PLCH1: variants seen among roughly 807,000 people sequenced by gnomAD.
PLCH1 encodes the protein 1-phosphatidylinositol 4,5-bisphosphate phosphodiesterase eta-1.
PLCH1 carries 60 observed loss-of-function variants against 126.7 expected under a neutral mutation model. The observed-to-expected ratio is 0.47, with a 90% CI of 0.38 to 0.59. The LOEUF (loss-of-function observed/expected upper bound fraction) is 0.59, where lower values mean the gene tolerates loss of function less well. Among genes scored for constraint, PLCH1 ranks in the 20% least tolerant of loss-of-function variants. The probability of loss-of-function intolerance (pLI) is 0.00; values close to 1 mark genes in which losing one functional copy is unlikely to be tolerated. For missense variants in PLCH1, 1,723 were observed against 2,040.0 expected, an observed-to-expected ratio of 0.84 and a Z score of 2.99; for synonymous variants, 719 against 734.9, an observed-to-expected ratio of 0.98 and a Z score of 0.35.
At chr3:155,744,164 G>A (rs1749815834) in intron 1 of PLCH1, among the ~76,000 whole-genome samples, 1 of 152,172 alleles carries the variant, frequency 6.6e-6, no homozygotes, top group South Asian at 2.1e-4. Flanking sequence ...GGGTTTAGGG[G>A]CTCGCGGGGT....
chr3:155,624,682 C>A lies in PLCH1; in HGVS notation c.80-28304G>T, dbSNP rs1737001068. 2.6e-5 allele frequency among the ~76,000 whole-genome samples: 4 copies of A among 152,244 alleles called. No individual in the cohort carries two copies. The South Asian group carries it at 6.2e-4, about 24-fold the overall frequency. ...ATAAAATACCTAGAAATACAACTTA[C>A]AAGGGATGTGAAGGACCTCTTCAAG... On this transcript the variant is annotated intron_variant, in intron 2 of 22. Transcript: ENST00000460012.
rs936790105 is a variant in PLCH1, at chr3:155,453,006, G to A, written c.2938+32350C>T. 3.3e-5 allele frequency among the ~76,000 whole-genome samples: 5 copies of A among 152,148 alleles called. No individual in the cohort carries two copies. The South Asian group carries it at 6.2e-4, about 19-fold the overall frequency. The stretch of plus-strand genomic sequence containing the variant: ...AGTTGGATCCTGTAAGTTAAAGTGG[G>A]TACATGTGGGAAGACTCTGATAATG... On this transcript the variant is annotated intron_variant, in intron 21 of 21. Transcript: ENST00000494598.
chr3:155,616,620 T>C (rs1415167355), intron 2 of PLCH1, among the ~76,000 whole-genome samples: 1 of 152,152 alleles, frequency 6.6e-6, no homozygotes, highest in African/African-American at 2.4e-5. Flanking sequence ...ACTATATTAC[T>C]GCAAAGAAAA....
rs1727390726 is a variant in PLCH1, at chr3:155,560,264, G to A, written c.1069+4651C>T. On this transcript the variant is annotated intron_variant, in intron 8 of 22. Transcript: ENST00000460012. ...GCAACCATCAGTGTGAATCCAATGAGGCTGTGTGCTCAGGGCATCTCTATG... is the reference window on the plus strand; with the variant it reads ...GCAACCATCAGTGTGAATCCAATGAAGCTGTGTGCTCAGGGCATCTCTATG... Among the ~76,000 whole-genome samples, 3 of 152,306 alleles carry A rather than the reference G, an allele frequency of 2.0e-5. No homozygotes were observed. In the South Asian group the frequency reaches 6.2e-4, roughly 32 times the overall value.
Position 155,500,598 on chromosome 3 carries a change from T to C in PLCH1, c.1796+105A>G, listed in dbSNP as rs565298024. On this transcript the variant is annotated intron_variant, in intron 14 of 22. Transcript: ENST00000460012. ...ACATGTTCGACAGCACAGAATACTTTCCTTGTGATCCAATTCTCTAGACAT... is the reference window on the plus strand; with the variant it reads ...ACATGTTCGACAGCACAGAATACTTCCCTTGTGATCCAATTCTCTAGACAT... 1,844 of 721,638 alleles carry C rather than the reference T, an allele frequency of 2.6e-3. 41 individuals carry two copies. The South Asian group carries it at 0.028, about 11-fold the overall frequency. 44.7% of individuals were successfully genotyped at this position (721,638 alleles called of 1,614,324 possible).
At chr3:155,582,392 A>G (rs1377926593) in intron 6 of PLCH1, among the ~76,000 whole-genome samples, 1 of 152,118 alleles carries the variant, frequency 6.6e-6, no homozygotes, top group African/African-American at 2.4e-5. Context: ...CAATAGTTGC[A>G]CAACTCTGTT....
intron 10 of PLCH1, among the ~76,000 whole-genome samples, chr3:155,527,870 A>T (rs149895905): frequency 0.032 from 4,776 of 149,444 alleles, 287 homozygotes; most frequent in African/African-American, 0.11. Context: ...CAGTGAGCCA[A>T]GATCGTCCCA....
chr3:155,667,793 G>A (rs1485977558), intron 2 of PLCH1, among the ~76,000 whole-genome samples: 2 of 150,528 alleles, frequency 1.3e-5, no homozygotes, highest in African/African-American at 2.5e-5. Flanking sequence ...GGCCAAGCGC[G>A]ATGGCACATG....
intron 6 of PLCH1, among the ~76,000 whole-genome samples, chr3:155,570,063 T>C (rs1407637871): frequency 6.6e-6 from 1 of 152,100 alleles, no homozygotes; most frequent in Admixed American, 6.6e-5. Context: ...GAAAAAATAA[T>C]CTACTTTCTA....
rs549479082 is a variant in PLCH1, at chr3:155,650,836, G to A, written c.79+53310C>T. ...GTGGATTACCTGAGGTCAGGAGTTC[G>A]AGACTAGCCTGGCCAACATGGCAAA... is the stretch of plus-strand genomic sequence containing the variant. On this transcript the variant is annotated intron_variant, in intron 2 of 22. Coordinates refer to ENST00000460012, the MANE Select transcript of PLCH1 (RefSeq NM_014996.4). Among the ~76,000 whole-genome samples, 36 of 152,216 alleles carry A rather than the reference G, an allele frequency of 2.4e-4. No homozygotes were observed. In the South Asian group the frequency reaches 6.4e-3, roughly 27 times the overall value.
intron 6 of PLCH1, among the ~76,000 whole-genome samples, chr3:155,577,720 C>T (rs955526821): frequency 6.6e-6 from 1 of 152,176 alleles, no homozygotes; most frequent in African/African-American, 2.4e-5. Flanking sequence ...TTTTCCCTAA[C>T]TAAAATTTAC....
chr3:155,670,456 A>G (rs77896417), intron 2 of PLCH1, among the ~76,000 whole-genome samples: 1 of 152,180 alleles, frequency 6.6e-6, no homozygotes, highest in Non-Finnish European at 1.5e-5. Flanking sequence ...CACATATGCA[A>G]CCATGACTTA....
At chr3:155,569,413 G>A (rs2108534235) in intron 6 of PLCH1, among the ~76,000 whole-genome samples, 1 of 152,296 alleles carries the variant, frequency 6.6e-6, no homozygotes, top group African/African-American at 2.4e-5. Context: ...AAGCACTGCT[G>A]TATGGCTGTT....
intron 1 of PLCH1, among the ~76,000 whole-genome samples, chr3:155,704,708 A>C (rs1746523262): frequency 6.6e-6 from 1 of 152,212 alleles, no homozygotes; most frequent in Non-Finnish European, 1.5e-5. Context: ...GTGTCAGTAC[A>C]GCATCCATGT....
chr3:155,675,961 T>G (rs755498993), intron 2 of PLCH1: 2 of 1,162,732 alleles, frequency 1.7e-6, no homozygotes, highest in African/African-American at 3.1e-5. Context: ...ACTAGGACTA[T>G]TACACTTACC....
chr3:155,536,205 G>A (rs558374729), intron 10 of PLCH1, among the ~76,000 whole-genome samples: 69 of 152,288 alleles, frequency 4.5e-4, no homozygotes, highest in Non-Finnish European at 8.4e-4. Context: ...TCCCTCTGAC[G>A]TAGTCTACCC....
At chr3:155,643,721 G>A (rs1289899475) in intron 2 of PLCH1, among the ~76,000 whole-genome samples, 1 of 152,240 alleles carries the variant, frequency 6.6e-6, no homozygotes, top group African/African-American at 2.4e-5. Flanking sequence ...CATGAGAGCA[G>A]GGATCATGTC....
At chr3:155,575,039 G>A (rs369894265) in intron 6 of PLCH1, among the ~76,000 whole-genome samples, 3 of 151,998 alleles carry the variant, frequency 2.0e-5, no homozygotes, top group South Asian at 2.1e-4. Context: ...ACTGAGGCAG[G>A]AGAATCGCTT....
chr3:155,595,138 A>G (rs1348987392), intron 3 of PLCH1, among the ~76,000 whole-genome samples: 1 of 152,212 alleles, frequency 6.6e-6, no homozygotes, highest in East Asian at 1.9e-4. Context: ...AAAGCTCAAC[A>G]GGGAGAATAA....
Sources: gnomAD v4.1 joint callset for allele counts (sites outside exome capture counted in the v4.1 genomes callset) on GRCh38, gnomAD v4.1.1 for gene constraint, MANE v1.5 for transcripts, NCBI Gene and HGNC (gene_info 2026-07-23, HGNC 2026-07-21) for gene names.